Variants in CATSPERG observed in about 807,000 individuals in gnomAD.
The protein encoded by CATSPERG is catsper channel auxiliary subunit gamma, also known as cation channel sperm-associated auxiliary subunit gamma.
Under a neutral mutation model 145.0 loss-of-function variants are expected in CATSPERG, and 115 were observed. The ratio of observed to expected loss-of-function variants is 0.79; its 90% confidence interval spans 0.68 to 0.93. The LOEUF is 0.93. Ranked by LOEUF, CATSPERG falls within the 40% of genes least tolerant of loss-of-function variation. The pLI is 0.00. For missense variants in CATSPERG, 1,296 were observed against 1,490.1 expected (o/e 0.87, Z 2.14); for synonymous variants, 588 against 589.0 (o/e 1.00, Z 0.02).
At chr19:38,344,221 G>C in intron 5 of CATSPERG, 75 bp from the exon 6 acceptor site, 1 of 1,538,438 alleles carries the variant, frequency 6.5e-7, no homozygotes, top group Non-Finnish European at 8.8e-7. Context: ...AGAATGGGGA[G>C]AGGAGAGGCA....
At chr19:38,351,830 C>T (rs771258077) in intron 7 of CATSPERG, among the ~76,000 whole-genome samples, 16 of 151,964 alleles carry the variant, frequency 1.1e-4, no homozygotes, top group Non-Finnish European at 1.8e-4. Context: ...GAGGATCGTT[C>T]GAGCCCAGGA....
chr19:38,361,227 T>C (rs951005295), intron 16 of CATSPERG, among the ~76,000 whole-genome samples: 1 of 151,682 alleles, frequency 6.6e-6, no homozygotes, highest in Non-Finnish European at 1.5e-5. Flanking sequence ...GGGAGAGCCA[T>C]GGATGGGACT....
At chr19:38,344,273 G>C in intron 5 of CATSPERG, 23 bp from the exon 6 acceptor site, 1 of 1,550,288 alleles carries the variant, frequency 6.5e-7, no homozygotes. Context: ...CCTCACCTGC[G>C]CCTATTCTGC....
rs1219316819 is a variant in CATSPERG at position 38,370,652 on chromosome 19, T to C, written c.3340T>C (p.Tyr1114His). 1 of 1,614,136 alleles carries C rather than the reference T, an allele frequency of 6.2e-7. No homozygotes were observed. The highest frequency in any genetic ancestry group is 2.2e-5 in the East Asian group (1 of 44,878). ...KINNLIASES[Y>H]YTYASISGIS... is the part of the protein sequence containing the mutation. Reference sequence around the variant, plus strand: ...AAACAACCTCATTGCCTCAGAATCCTACTACACCTACGCCTCCATTTCCGG... The same window carrying C: ...AAACAACCTCATTGCCTCAGAATCCCACTACACCTACGCCTCCATTTCCGG... Residue 1114 changes from tyrosine (Y) to histidine (H), a missense_variant, in exon 29 of 29, where the codon TAC becomes CAC. Coordinates refer to ENST00000409235, the MANE Select transcript of CATSPERG (RefSeq NM_021185.5).
chr19:38,348,145 A>G (rs1257961740), intron 7 of CATSPERG, among the ~76,000 whole-genome samples: 1 of 151,924 alleles, frequency 6.6e-6, no homozygotes, highest in Non-Finnish European at 1.5e-5. Context: ...CTATTCAGAC[A>G]TTGTTTAATT....
intron 10 of CATSPERG, 68 bp downstream of exon 10, chr19:38,356,611 G>A (rs146338932): frequency 1.1e-5 from 17 of 1,593,048 alleles, no homozygotes; most frequent in Non-Finnish European, 1.5e-5. Context: ...GAGCAGGGGA[G>A]GGTGGCAGGG....
rs572145273 is a variant in CATSPERG at position 38,343,595 on chromosome 19, G to T, written c.340G>T (p.Val114Leu). The T allele has an allele frequency of 3.4e-5, 53 of 1,550,190 alleles. No homozygotes were observed. The South Asian group carries it at 6.1e-4, about 18-fold the overall frequency. Residue 114 changes from valine to leucine, a missense_variant, in exon 4 of 29, where the codon GTG (valine) becomes TTG (leucine). Coordinates refer to ENST00000409235, the MANE Select transcript of CATSPERG (RefSeq NM_021185.5). The part of the protein sequence containing the change: ...SCEEKPSEDL[V>L]RMGHLTGLKP... Reference sequence around the variant, plus strand: ...TCACCCTCAGCCCTCTGAGGACCTGGTGCGCATGGGCCACCTGACGGGGCT... The same window carrying T: ...TCACCCTCAGCCCTCTGAGGACCTGTTGCGCATGGGCCACCTGACGGGGCT...
intron 22 of CATSPERG, chr19:38,365,567 C>T (rs748887913): frequency 8.3e-5 from 14 of 169,506 alleles, no homozygotes; most frequent in Admixed American, 1.2e-4. Context: ...CCACCATGCC[C>T]GGCCTAACTC....
chr19:38,349,975 C>T (rs763453981), intron 7 of CATSPERG, among the ~76,000 whole-genome samples: 4 of 152,058 alleles, frequency 2.6e-5, no homozygotes, highest in African/African-American at 9.7e-5. Flanking sequence ...GTTGCTCATT[C>T]TCGTAACAGT....
intron 3 of CATSPERG, among the ~76,000 whole-genome samples, chr19:38,343,312 A>G (rs1969969074): frequency 6.6e-6 from 1 of 151,914 alleles, no homozygotes; most frequent in Non-Finnish European, 1.5e-5. Context: ...CCCTACATGC[A>G]CATTCTGTCT....
intron 3 of CATSPERG, among the ~76,000 whole-genome samples, chr19:38,340,247 C>A (rs1371645621): frequency 1.3e-5 from 2 of 151,700 alleles, no homozygotes; most frequent in Non-Finnish European, 3.0e-5. Context: ...GGACTCAATT[C>A]TATTCTAAAT....
rs1437953585 is a variant in CATSPERG at position 38,356,510 on chromosome 19, C to G, written c.1162C>G (p.Pro388Ala). 6.2e-7 allele frequency: 1 copy of G among 1,613,792 alleles called. No homozygotes were observed. Among genetic ancestry groups the G allele is most frequent in the African/African-American group, 1.3e-5 (1 of 74,868 alleles). ...RDGQVSFEML[P>A]RQWSVCEQIG... ...TGGCCAGGTGTCCTTTGAGATGCTGCCCAGGCAGTGGTCTGTGTGCGAGCA... is the reference window on the plus strand; with the variant it reads ...TGGCCAGGTGTCCTTTGAGATGCTGGCCAGGCAGTGGTCTGTGTGCGAGCA... Residue 388 changes from proline (P) to alanine (A), a missense_variant, in exon 10 of 29, where the codon CCC becomes GCC. Transcript: ENST00000409235.
intron 14 of CATSPERG, chr19:38,359,849 G>A: frequency 1.7e-6 from 2 of 1,192,032 alleles, no homozygotes; most frequent in Non-Finnish European, 2.1e-6. Context: ...CATAAATATT[G>A]AGCATTTACT....
intron 6 of CATSPERG, 122 bp from the exon 7 acceptor site, chr19:38,346,328 G>A (rs1970040957): frequency 2.3e-6 from 2 of 883,296 alleles, no homozygotes; most frequent in South Asian, 4.4e-5. Flanking sequence ...ATGAGGTCAA[G>A]GAAGTGAGAA....
At chr19:38,354,938 A>G in intron 9 of CATSPERG, 91 bp downstream of exon 9, 1 of 1,466,886 alleles carries the variant, frequency 6.8e-7, no homozygotes, top group Non-Finnish European at 9.3e-7. Context: ...ACTCATTACC[A>G]TGTGCCCTGA....
chr19:38,352,823 GGAGA>G (rs1970168905), intron 8 of CATSPERG, among the ~76,000 whole-genome samples: 1 of 151,470 alleles, frequency 6.6e-6, no homozygotes, highest in East Asian at 1.9e-4. Flanking sequence ...CAGAGCGGGA[GGAGA>G]GAGAGAAACA....
chr19:38,360,610 T>A lies in CATSPERG; in HGVS notation c.1730T>A (p.Met577Lys). Residue 577 changes from methionine to lysine, a missense_variant, in exon 15 of 29, where the codon ATG (methionine) becomes AAG (lysine). By Grantham distance (95) the Met-to-Lys change is moderately conservative. Transcript: ENST00000409235. ...TCTCTCTACGCATCCAATGAGACCATGCTGACCCTCTTCTACGAAGACAGC... is the reference window on the plus strand; with the variant it reads ...TCTCTCTACGCATCCAATGAGACCAAGCTGACCCTCTTCTACGAAGACAGC... ...QSSLYASNET[M>K]LTLFYEDSKL... is the part of the protein sequence containing the mutation. The A allele has an allele frequency of 1.9e-6, 3 of 1,614,212 alleles. No homozygotes were observed. Among genetic ancestry groups the A allele is most frequent in the Non-Finnish European group, 2.5e-6 (3 of 1,180,032 alleles).
intron 20 of CATSPERG, among the ~76,000 whole-genome samples, chr19:38,363,092 G>A (rs1970382621): frequency 6.6e-6 from 1 of 152,022 alleles, no homozygotes. Context: ...AGGCTGGAGT[G>A]CAATGGCACG....
At position 38,361,698 on chromosome 19, in the gene CATSPERG, G is replaced by A. The variant is rs1190260409; in HGVS notation, c.1931G>A (p.Arg644His). The change falls in exon 17 of 29, where the codon CGC becomes CAC. Residue 644 changes from arginine to histidine, a missense_variant. By Grantham distance (29) the Arg-to-His change is conservative (BLOSUM62 0). Coordinates refer to ENST00000409235, the MANE Select transcript of CATSPERG (RefSeq NM_021185.5). ...FIDFCPFSVM[R>H]LRSLPSPQRY... ...GACTTCTGCCCCTTCTCGGTGATGC[G>A]CCTGCGGAGCCTGCCCAGTCCGCAG... 14 of 1,611,770 alleles carry A rather than the reference G, an allele frequency of 8.7e-6. No individual in the cohort carries two copies. The highest frequency in any genetic ancestry group is 1.2e-5 in the Non-Finnish European group (14 of 1,179,792).
Sources: gnomAD v4.1 joint callset for allele counts (sites outside exome capture counted in the v4.1 genomes callset) on GRCh38, gnomAD v4.1.1 for gene constraint, MANE v1.5 for transcripts, NCBI Gene and HGNC (gene_info 2026-07-23, HGNC 2026-07-21) for gene names.